ACOT11: variants seen among roughly 807,000 people sequenced by gnomAD.
ACOT11 encodes the protein acyl-coenzyme A thioesterase 11.
Under a neutral mutation model 77.5 loss-of-function variants are expected in ACOT11, and 69 were observed. That is an observed-to-expected ratio of 0.89 (90% CI 0.73 to 1.09). ACOT11 has a LOEUF of 1.09. Ranked by LOEUF, ACOT11 falls within the 50% of genes least tolerant of loss-of-function variation. The probability of loss-of-function intolerance (pLI) is 0.00; values close to 1 mark genes in which losing one functional copy is unlikely to be tolerated. For synonymous variants in ACOT11, 279 were observed against 313.0 expected, an observed-to-expected ratio of 0.89 and a Z score of 1.15; for missense variants, 766 against 813.7, an observed-to-expected ratio of 0.94 and a Z score of 0.71.
chr1:54,603,297 C>T (rs769959617), intron 10 of ACOT11, among the ~76,000 whole-genome samples: 9 of 152,088 alleles, frequency 5.9e-5, no homozygotes, highest in East Asian at 5.8e-4. Context: ...TGTAGCAAGC[C>T]GAGATTGTGC....
In ACOT11 at chr1:54,601,303, CAGG is replaced by C. The variant is rs769148206; in HGVS notation, c.923_925del (p.Glu308del). ...GGGCGTGTGCGTGGAGGCCTATCGC[CAGG>C]AGGCTGAGACCCACCGGCGCCACAT... On this transcript the variant is annotated inframe_deletion, in exon 9 of 16. Coordinates refer to ENST00000343744, the MANE Select transcript of ACOT11 (RefSeq NM_147161.4). The C allele has an allele frequency of 6.2e-7, 1 of 1,612,998 alleles. No homozygotes were observed. The highest frequency in any genetic ancestry group is 8.5e-7 in the Non-Finnish European group (1 of 1,179,992).
intron 1 of ACOT11, among the ~76,000 whole-genome samples, chr1:54,557,040 A>G (rs1427893611): frequency 6.6e-6 from 1 of 151,752 alleles, no homozygotes; most frequent in African/African-American, 2.4e-5. Flanking sequence ...CAAGTAGCTG[A>G]GACTACAGGC....
intron 1 of ACOT11, chr1:54,548,591 G>T (rs1402929826): frequency 1.7e-6 from 1 of 578,514 alleles, no homozygotes; most frequent in Non-Finnish European, 3.1e-6. Context: ...ATCACCTTCA[G>T]CAAGTGTCGG....
At chr1:54,595,383 T>C (rs554773966) in intron 6 of ACOT11, among the ~76,000 whole-genome samples, 1 of 152,188 alleles carries the variant, frequency 6.6e-6, no homozygotes. Flanking sequence ...ATATAAAACA[T>C]GTAAAAAGCA....
intron 1 of ACOT11, among the ~76,000 whole-genome samples, chr1:54,562,804 C>A (rs1398472363): frequency 1.1e-5 from 1 of 91,664 alleles, no homozygotes. Flanking sequence ...ACATCTCAGA[C>A]GATGGGCGGC....
At chr1:54,557,601 A>C (rs185652953) in intron 1 of ACOT11, among the ~76,000 whole-genome samples, 1 of 152,066 alleles carries the variant, frequency 6.6e-6, no homozygotes, top group East Asian at 1.9e-4. Flanking sequence ...GGTTAAATTT[A>C]TTCTCAGGTA....
intron 15 of ACOT11, among the ~76,000 whole-genome samples, chr1:54,627,077 G>C (rs1293501883): frequency 1.5e-5 from 2 of 134,638 alleles, no homozygotes; most frequent in South Asian, 2.4e-4. Context: ...GGCTGGTCTC[G>C]AACTCCTGAC....
chr1:54,581,976 C>T (rs535668140), intron 1 of ACOT11, among the ~76,000 whole-genome samples: 1 of 152,350 alleles, frequency 6.6e-6, no homozygotes, highest in East Asian at 1.9e-4. Flanking sequence ...TGCCTGGGGC[C>T]ACCTGCTGCT....
intron 3 of ACOT11, 87 bp from the exon 4 acceptor site, chr1:54,592,459 C>T (rs576865007): frequency 2.9e-5 from 38 of 1,319,566 alleles, no homozygotes; most frequent in African/African-American, 1.2e-4. Context: ...GCCAGCTCCC[C>T]GCAAGAGAGG....
chr1:54,633,683 A>G (rs1473670039), intron 16 of ACOT11, among the ~76,000 whole-genome samples: 1 of 152,226 alleles, frequency 6.6e-6, no homozygotes. Context: ...GTGTTACATT[A>G]TTCACTGTCA....
At chr1:54,622,049 A>G (rs1466061836) in intron 15 of ACOT11, among the ~76,000 whole-genome samples, 1 of 152,044 alleles carries the variant, frequency 6.6e-6, no homozygotes, top group Non-Finnish European at 1.5e-5. Context: ...CAAGGTGGGC[A>G]GATCACCTGA....
chr1:54,548,257 G>T lies in ACOT11; in HGVS notation c.-53G>T. ...GGAGTCAGGCCTGGCTGTTGCTCAG[G>T]TGACCAGCTTGTGTCTCTGGGAGGG... is the stretch of plus-strand genomic sequence containing the variant. On this transcript the variant is annotated 5_prime_UTR_variant, in exon 1 of 16. Transcript: ENST00000343744. 1.9e-6 allele frequency: 3 copies of T among 1,569,858 alleles called. No homozygotes were observed. Among genetic ancestry groups the T allele is most frequent in the Non-Finnish European group, 2.6e-6 (3 of 1,157,558 alleles).
intron 15 of ACOT11, among the ~76,000 whole-genome samples, chr1:54,617,404 C>T (rs1020823849): frequency 6.7e-6 from 1 of 149,898 alleles, no homozygotes; most frequent in Non-Finnish European, 1.5e-5. Flanking sequence ...AGTCTGTTCT[C>T]TATAGAGCCG....
Position 54,585,151 on chromosome 1 carries a change from A to G in ACOT11, c.241+289A>G, listed in dbSNP as rs143719482. ...ATGGCTGCTTCAGATTGGCTTGGAG[A>G]TGCTGTTGAGCAAAGCCCCTGACTG... is the stretch of plus-strand genomic sequence containing the variant. On this transcript the variant is annotated intron_variant, in intron 2 of 15. Transcript: ENST00000343744. 2.6e-5 allele frequency among the ~76,000 whole-genome samples: 4 copies of G among 152,208 alleles called. No homozygotes were observed. In the East Asian group the frequency reaches 7.7e-4, roughly 29 times the overall value.
intron 1 of ACOT11, among the ~76,000 whole-genome samples, chr1:54,581,522 A>C (rs1376579792): frequency 6.6e-6 from 1 of 151,908 alleles, no homozygotes; most frequent in Non-Finnish European, 1.5e-5. Flanking sequence ...CTGTGACATG[A>C]CTCTGGCTCA....
intron 16 of ACOT11, among the ~76,000 whole-genome samples, chr1:54,632,639 A>G (rs911870321): frequency 2.0e-5 from 3 of 152,220 alleles, no homozygotes; most frequent in African/African-American, 7.2e-5. Context: ...GCACAAATAA[A>G]CAAGGCAAAG....
chr1:54,618,002 C>T (rs897295913), intron 15 of ACOT11, among the ~76,000 whole-genome samples: 1 of 152,008 alleles, frequency 6.6e-6, no homozygotes, highest in Non-Finnish European at 1.5e-5. Flanking sequence ...GCTGGAATTA[C>T]AGGCATGAGC....
chr1:54,583,981 C>G (rs1214065238), intron 1 of ACOT11, among the ~76,000 whole-genome samples: 2 of 152,124 alleles, frequency 1.3e-5, no homozygotes, highest in African/African-American at 4.8e-5. Context: ...ATGCTGGTTC[C>G]AAGCAGAAAC....
chr1:54,603,774 T>C, intron 10 of ACOT11, 97 bp from the exon 11 acceptor site: 1 of 1,198,474 alleles, frequency 8.3e-7, no homozygotes. Context: ...TCTGCCGGGC[T>C]CAGCACAGGG....
Sources: gnomAD v4.1 joint callset for allele counts (sites outside exome capture counted in the v4.1 genomes callset) on GRCh38, gnomAD v4.1.1 for gene constraint, MANE v1.5 for transcripts, NCBI Gene and HGNC (gene_info 2026-07-23, HGNC 2026-07-21) for gene names.